The following TSPAN12 variants were observed in gnomAD, a reference collection of about 807,000 sequenced individuals.
TSPAN12 encodes tetraspanin 12, also known as tetraspanin-12.
A neutral mutation model predicts 39.2 loss-of-function variants in TSPAN12; 19 were observed. The observed-to-expected ratio is 0.49, with a 90% CI of 0.34 to 0.71. The LOEUF (loss-of-function observed/expected upper bound fraction) is 0.71, where lower values mean the gene tolerates loss of function less well. Among genes scored for constraint, TSPAN12 ranks in the 30% least tolerant of loss-of-function variants. The pLI is 0.01. For synonymous variants in TSPAN12, 119 were observed against 124.8 expected (o/e 0.95, Z 0.31); for missense variants, 314 against 359.9 (o/e 0.87, Z 1.03).
intron 7 of TSPAN12, among the ~76,000 whole-genome samples, chr7:120,805,859 G>T (rs997875300): frequency 2.8e-4 from 42 of 152,022 alleles, no homozygotes; most frequent in Admixed American, 2.8e-3. Context: ...TGCAGTCTTA[G>T]ATTTTAATCT....
chr7:120,836,733 C>T (rs1794484236), intron 4 of TSPAN12, among the ~76,000 whole-genome samples: 1 of 152,188 alleles, frequency 6.6e-6, no homozygotes, highest in African/African-American at 2.4e-5. Context: ...TCATCCCTGC[C>T]ACTTTTGCAT....
intron 1 of TSPAN12, among the ~76,000 whole-genome samples, 141 bp downstream of exon 1, chr7:120,857,657 AGCCATCGCGTCCGCGCGCCCCC>A (rs938008711): frequency 1.3e-5 from 2 of 151,996 alleles, no homozygotes; most frequent in African/African-American, 4.8e-5. Flanking sequence ...CCACCGACCC[AGCCATCGCGTCCGCGCGCCCCC>A]GGCAGGGCGC....
chr7:120,816,863 T>C (rs1794093895), intron 4 of TSPAN12, among the ~76,000 whole-genome samples: 1 of 152,084 alleles, frequency 6.6e-6, no homozygotes, highest in Admixed American at 6.6e-5. Flanking sequence ...AGCGAGCAGC[T>C]GAACTTAGAT....
chr7:120,857,369 G>A (rs1387383448), intron 1 of TSPAN12: 1 of 156,760 alleles, frequency 6.4e-6, no homozygotes, highest in East Asian at 1.9e-4. Context: ...GGACTGGGGC[G>A]GCGGGGCGGG....
At chr7:120,852,855 A>AAG (rs576773917) in intron 2 of TSPAN12, among the ~76,000 whole-genome samples, 37 of 150,078 alleles carry the variant, frequency 2.5e-4, no homozygotes, top group Admixed American at 5.9e-4. Flanking sequence ...ATCTAAAAAA[A>AAG]AGAGAGAGAG....
chr7:120,825,057 A>T (rs1301790223), intron 4 of TSPAN12, among the ~76,000 whole-genome samples: 3 of 152,188 alleles, frequency 2.0e-5, no homozygotes, highest in Non-Finnish European at 4.4e-5. Flanking sequence ...TAGAAAAGGC[A>T]ATTGTTTTCC....
chr7:120,844,835 C>T (rs1220448413), intron 2 of TSPAN12, among the ~76,000 whole-genome samples: 1 of 152,194 alleles, frequency 6.6e-6, no homozygotes. Context: ...TGGCCCTCTT[C>T]ACACTGCTCC....
chr7:120,821,766 T>G (rs573267394), intron 4 of TSPAN12, among the ~76,000 whole-genome samples: 1 of 152,230 alleles, frequency 6.6e-6, no homozygotes, highest in East Asian at 1.9e-4. Context: ...AGCAGACACT[T>G]AATATATGTT....
intron 5 of TSPAN12, among the ~76,000 whole-genome samples, chr7:120,811,679 A>AG (rs1434178894): frequency 2.0e-4 from 30 of 152,012 alleles, no homozygotes; most frequent in African/African-American, 6.5e-4. Flanking sequence ...CAAAAAAAAA[A>AG]AAAAGAAAAG....
At chr7:120,806,432 T>G (rs1793874934) in intron 7 of TSPAN12, 117 bp downstream of exon 7, 3 of 1,144,788 alleles carry the variant, frequency 2.6e-6, no homozygotes, top group Non-Finnish European at 3.8e-6. Flanking sequence ...AGAGAAAAAT[T>G]TTAAGGCCTT....
chr7:120,815,895 A>C, intron 4 of TSPAN12, 92 bp from the exon 5 acceptor site: 1 of 1,166,116 alleles, frequency 8.6e-7, no homozygotes, highest in Non-Finnish European at 1.2e-6. Flanking sequence ...CTAGTGACCA[A>C]GAAAACAGAG....
At chr7:120,813,467 T>A (rs1305670524) in intron 5 of TSPAN12, among the ~76,000 whole-genome samples, 1 of 152,222 alleles carries the variant, frequency 6.6e-6, no homozygotes, top group East Asian at 1.9e-4. Context: ...TACATTCATT[T>A]CAATTTCCTC....
intron 5 of TSPAN12, 95 bp from the exon 6 acceptor site, chr7:120,810,665 C>T (rs533965852): frequency 1.8e-5 from 14 of 771,574 alleles, no homozygotes; most frequent in Non-Finnish European, 2.6e-5. Flanking sequence ...CGTACACACG[C>T]ATACTCGGAA....
chr7:120,854,828 G>A (rs182111209), intron 2 of TSPAN12, among the ~76,000 whole-genome samples: 1 of 152,154 alleles, frequency 6.6e-6, no homozygotes, highest in Non-Finnish European at 1.5e-5. Context: ...GGATTATTTT[G>A]TTGAAGCGTA....
chr7:120,834,991 C>G (rs890212973), intron 4 of TSPAN12, among the ~76,000 whole-genome samples: 1 of 152,184 alleles, frequency 6.6e-6, no homozygotes, highest in African/African-American at 2.4e-5. Context: ...CTCATCACTG[C>G]CTTCCAGGCA....
rs527988352 is a variant in TSPAN12 at position 120,856,925 on chromosome 7, T to G, written c.-70-92A>C. ...CCTCCTCCACCCGCCCTCAGCAGGG[T>G]CCAGAGGGTCCCGAGGCCCAGTGCA... On this transcript the variant is annotated intron_variant, in intron 1 of 7. Transcript: ENST00000222747. 9 of 736,744 alleles carry G rather than the reference T, an allele frequency of 1.2e-5. No individual in the cohort carries two copies. In the African/African-American group the frequency reaches 1.4e-4, roughly 11 times the overall value. 45.6% of individuals were successfully genotyped at this position (736,744 alleles called of 1,614,324 possible). A position where few individuals can be genotyped will look rare whatever the true frequency, so the allele number is the denominator to read the frequency against.
At chr7:120,805,099 A>G (rs1162472908) in intron 7 of TSPAN12, among the ~76,000 whole-genome samples, 1 of 152,078 alleles carries the variant, frequency 6.6e-6, no homozygotes, top group African/African-American at 2.4e-5. Flanking sequence ...AATTATAACA[A>G]TTTTTAAACT....
At chr7:120,796,011 A>G (rs1044294737) in intron 7 of TSPAN12, among the ~76,000 whole-genome samples, 4 of 152,256 alleles carry the variant, frequency 2.6e-5, no homozygotes, top group Non-Finnish European at 5.9e-5. Flanking sequence ...TCCCTATTAC[A>G]TAGGTAGAAT....
At chr7:120,828,905 C>T (rs1247577143) in intron 4 of TSPAN12, among the ~76,000 whole-genome samples, 2 of 152,058 alleles carry the variant, frequency 1.3e-5, no homozygotes, top group African/African-American at 2.4e-5. Context: ...TTTTAAGTTG[C>T]TATCATTTAA....
Sources: gnomAD v4.1 joint callset for allele counts (sites outside exome capture counted in the v4.1 genomes callset) on GRCh38, gnomAD v4.1.1 for gene constraint, MANE v1.5 for transcripts, NCBI Gene and HGNC (gene_info 2026-07-23, HGNC 2026-07-21) for gene names.